ABHD17B: variants seen among roughly 807,000 people sequenced by gnomAD.
ABHD17B encodes alpha/beta hydrolase domain-containing protein 17B.
Under a neutral mutation model 26.2 loss-of-function variants are expected in ABHD17B, and 9 were observed. The ratio of observed to expected loss-of-function variants is 0.34; its 90% confidence interval spans 0.21 to 0.60. ABHD17B has a LOEUF of 0.60. Among genes scored for constraint, ABHD17B ranks in the 20% least tolerant of loss-of-function variants. ABHD17B has a pLI of 0.80. For synonymous variants in ABHD17B, 127 were observed against 122.3 expected (o/e 1.04, Z -0.25); for missense variants, 224 against 352.1 (o/e 0.64, Z 2.91).
intron 1 of ABHD17B, among the ~76,000 whole-genome samples, chr9:71,891,454 C>A (rs994542714): frequency 1.3e-5 from 2 of 152,200 alleles, no homozygotes; most frequent in African/African-American, 4.8e-5. Context: ...CTAGGACTAT[C>A]CACTATATCT....
downstream of ABHD17B, among the ~76,000 whole-genome samples, chr9:71,864,891 G>A (rs576682666): frequency 9.2e-5 from 14 of 152,148 alleles, no homozygotes; most frequent in East Asian, 1.9e-3. Context: ...TTGAATGAAC[G>A]AACACTGAAT....
intron 1 of ABHD17B, among the ~76,000 whole-genome samples, chr9:71,900,840 A>G (rs556242122): frequency 6.6e-6 from 1 of 151,936 alleles, no homozygotes; most frequent in Admixed American, 6.5e-5. Flanking sequence ...ATCAGAGTTC[A>G]TGCACTTGCC....
At chr9:71,905,875 T>A (rs1449531820) in intron 1 of ABHD17B, among the ~76,000 whole-genome samples, 1 of 151,896 alleles carries the variant, frequency 6.6e-6, no homozygotes, top group East Asian at 1.9e-4. Flanking sequence ...GAAATCCTTG[T>A]CTCTACAAAA....
At chr9:71,878,022 G>A (rs1826329427) in intron 1 of ABHD17B, among the ~76,000 whole-genome samples, 1 of 151,862 alleles carries the variant, frequency 6.6e-6, no homozygotes, top group Admixed American at 6.6e-5. Context: ...ACTTTCAAAA[G>A]TTAATTGAAT....
Position 71,865,900 on chromosome 9 carries a change from T to C in ABHD17B, c.*887A>G, listed in dbSNP as rs985265261. The C allele has an allele frequency of 1.0e-6, 1 of 985,258 alleles. No homozygotes were observed. Among genetic ancestry groups the C allele is most frequent in the African/African-American group, 1.7e-5 (1 of 57,244 alleles). The allele number at this position is 985,258 out of a possible 1,614,324, so 61.0% of individuals were successfully genotyped here. ...ATAGCCAAAGTGAAAAGGGATCTGA[T>C]AGCCAGTCTGTTAGTGGTCTTTAAG... On this transcript the variant is annotated 3_prime_UTR_variant, in exon 4 of 4. Coordinates refer to ENST00000333421, the MANE Select transcript of ABHD17B (RefSeq NM_001025780.3).
chr9:71,871,267 C>T (rs1010974118), intron 2 of ABHD17B, among the ~76,000 whole-genome samples: 6 of 152,128 alleles, frequency 3.9e-5, no homozygotes, highest in Non-Finnish European at 8.8e-5. Flanking sequence ...GGAAACTGTC[C>T]GTGTGTTCTC....
At position 71,874,867 on chromosome 9, in the gene ABHD17B, T is replaced by C. The variant is rs1826218315; in HGVS notation, c.214A>G (p.Arg72Gly). The C allele has an allele frequency of 1.2e-6, 2 of 1,614,098 alleles. No homozygotes were observed. The highest frequency in any genetic ancestry group is 8.5e-7 in the Non-Finnish European group (1 of 1,180,040). Residue 72 changes from arginine to glycine, a missense_variant, in exon 2 of 4, where the codon AGA (arginine) becomes GGA (glycine). Coordinates refer to ENST00000333421, the MANE Select transcript of ABHD17B (RefSeq NM_001025780.3). ...GCAATTCTGTTGCCTTTACTGGTTC[T>C]AGTCATGAAACACTCAATAGCATCT... ...EKDAIECFMT[R>G]TSKGNRIACM...
At chr9:71,908,706 T>C (rs1420344359) in intron 1 of ABHD17B, among the ~76,000 whole-genome samples, 1 of 152,236 alleles carries the variant, frequency 6.6e-6, no homozygotes, top group African/African-American at 2.4e-5. Flanking sequence ...CTTATCTTTA[T>C]GCTAACTGTT....
At chr9:71,896,145 T>C (rs1167500950) in intron 1 of ABHD17B, among the ~76,000 whole-genome samples, 3 of 152,150 alleles carry the variant, frequency 2.0e-5, no homozygotes, top group Admixed American at 6.5e-5. Flanking sequence ...TCCAGTGCTG[T>C]GTAAGACATT....
chr9:71,909,712 G>A (rs942865897), intron 1 of ABHD17B, among the ~76,000 whole-genome samples: 8 of 152,016 alleles, frequency 5.3e-5, no homozygotes, highest in Admixed American at 1.3e-4. Context: ...TATTAAACAG[G>A]AACACATTTC....
intron 1 of ABHD17B, among the ~76,000 whole-genome samples, chr9:71,900,713 G>A (rs188912260): frequency 4.3e-4 from 64 of 149,438 alleles, no homozygotes; most frequent in Admixed American, 3.7e-3. Context: ...CTTGTGTCAA[G>A]TGGCTTTTGC....
rs188379979 is a variant in ABHD17B at position 71,897,575 on chromosome 9, G to A, written c.-4+13059C>T. ...TCTTGCAAAGAATTTATTTCCCAAA[G>A]GAAGTTATATTCCTCGTTTAACTAT... On this transcript the variant is annotated intron_variant, in intron 1 of 3. Coordinates refer to ENST00000333421, the MANE Select transcript of ABHD17B (RefSeq NM_001025780.3). 1.6e-3 allele frequency among the ~76,000 whole-genome samples: 238 copies of A among 152,244 alleles called. 1 individual carries two copies. The highest frequency in any genetic ancestry group is 1.9e-3 in the Non-Finnish European group (129 of 68,010).
In ABHD17B at chr9:71,879,544, C is replaced by T. The variant is rs112931014; in HGVS notation, c.-3-4461G>A. ...GCACATCTAAAGGAGTTACAATTAT[C>T]CATTACAAAAGTCTAGCTTTAAATA... On this transcript the variant is annotated intron_variant, in intron 1 of 3. Coordinates refer to ENST00000333421, the MANE Select transcript of ABHD17B (RefSeq NM_001025780.3). Among the ~76,000 whole-genome samples the T allele has an allele frequency of 3.7e-3, 569 of 152,186 alleles. 3 individuals carry two copies. Among genetic ancestry groups the T allele is most frequent in the Middle Eastern group, 0.014 (4 of 294 alleles).
At chr9:71,867,534 A>G (rs1589208353) in intron 3 of ABHD17B, among the ~76,000 whole-genome samples, 1 of 152,366 alleles carries the variant, frequency 6.6e-6, no homozygotes, top group East Asian at 1.9e-4. Context: ...ATTTATTAAA[A>G]GAAGAAAACA....
At chr9:71,879,933 TA>T (rs1181481392) in intron 1 of ABHD17B, among the ~76,000 whole-genome samples, 1 of 152,188 alleles carries the variant, frequency 6.6e-6, no homozygotes, top group Non-Finnish European at 1.5e-5. Context: ...CCCAAACTCA[TA>T]ACTACTGTTT....
intron 1 of ABHD17B, among the ~76,000 whole-genome samples, chr9:71,889,931 A>C (rs77785424): frequency 0.013 from 2,044 of 152,052 alleles, 33 homozygotes; most frequent in African/African-American, 0.034. Context: ...TTTTAAAAAA[A>C]TCCATTATTT....
chr9:71,866,672 C>G lies in ABHD17B; in HGVS notation c.*115G>C. The G allele has an allele frequency of 2.7e-6, 4 of 1,480,898 alleles. No homozygotes were observed. In the South Asian group the frequency reaches 5.6e-5, roughly 21 times the overall value. 91.7% of individuals were successfully genotyped at this position (1,480,898 alleles called of 1,614,324 possible). On this transcript the variant is annotated 3_prime_UTR_variant, in exon 4 of 4. Coordinates refer to ENST00000333421, the MANE Select transcript of ABHD17B (RefSeq NM_001025780.3). ...GTCTGTTAACAAATCATTACCTGTACATTTATGAAGGCAACTGACATGATT... is the reference window on the plus strand; with the variant it reads ...GTCTGTTAACAAATCATTACCTGTAGATTTATGAAGGCAACTGACATGATT...
intron 1 of ABHD17B, 146 bp from the exon 2 acceptor site, chr9:71,875,229 T>TC (rs1826231833): frequency 7.7e-6 from 4 of 521,250 alleles, no homozygotes; most frequent in Non-Finnish European, 1.2e-5. Context: ...ATTTTTGGCT[T>TC]CTTTTTTTTT....
chr9:71,895,020 C>T (rs1326164057), intron 1 of ABHD17B, among the ~76,000 whole-genome samples: 1 of 152,188 alleles, frequency 6.6e-6, no homozygotes, highest in East Asian at 1.9e-4. Flanking sequence ...TCAAAAGCCA[C>T]TGCTGGCTGA....
Sources: allele counts gnomAD v4.1 joint callset (sites outside exome capture counted in the v4.1 genomes callset), GRCh38; gene constraint gnomAD v4.1.1; transcripts MANE v1.5; gene names NCBI Gene and HGNC (gene_info 2026-07-23, HGNC 2026-07-21).